Variants in CHST9 observed in about 807,000 individuals in gnomAD.
CHST9 encodes the protein GalNAc-4-sulfotransferase 2.
In CHST9, 41 loss-of-function variants were observed where a neutral mutation model predicts 44.4. That is an observed-to-expected ratio of 0.92 (90% CI 0.72 to 1.20). The LOEUF (loss-of-function observed/expected upper bound fraction) is 1.20. Ranked by LOEUF, CHST9 falls within the 50% of genes most tolerant of loss-of-function variation. The pLI is 0.00. For synonymous variants in CHST9, 171 were observed against 178.4 expected, an observed-to-expected ratio of 0.96 and a Z score of 0.33; for missense variants, 504 against 516.5, an observed-to-expected ratio of 0.98 and a Z score of 0.23.
intron 2 of CHST9, among the ~76,000 whole-genome samples, chr18:27,089,183 C>T (rs1016375067): frequency 6.6e-6 from 1 of 151,922 alleles, no homozygotes; most frequent in Non-Finnish European, 1.5e-5. Flanking sequence ...CGTACATGTG[C>T]ACAACGTGCA....
intron 2 of CHST9, among the ~76,000 whole-genome samples, chr18:27,074,676 T>C (rs2057880543): frequency 1.3e-5 from 2 of 152,094 alleles, no homozygotes; most frequent in Admixed American, 6.6e-5. Flanking sequence ...TCTATTTATA[T>C]AAAACACATG....
intron 3 of CHST9, among the ~76,000 whole-genome samples, chr18:27,047,976 G>A (rs2057524612): frequency 6.6e-6 from 1 of 152,188 alleles, no homozygotes; most frequent in South Asian, 2.1e-4. Flanking sequence ...TTCTGCCAAA[G>A]CATGATTCAC....
intron 2 of CHST9, among the ~76,000 whole-genome samples, chr18:27,054,566 C>T (rs2057630049): frequency 6.6e-6 from 1 of 152,048 alleles, no homozygotes; most frequent in South Asian, 2.1e-4. Flanking sequence ...TTTTTAAAAG[C>T]TATTTTAGAC....
chr18:26,919,986 T>C (rs1024596376), intron 5 of CHST9, among the ~76,000 whole-genome samples: 4 of 152,168 alleles, frequency 2.6e-5, no homozygotes, highest in Non-Finnish European at 5.9e-5. Context: ...TTCTGTGAAA[T>C]CAATGTGTTC....
chr18:26,942,988 G>T (rs1055255007), intron 5 of CHST9, among the ~76,000 whole-genome samples: 13 of 152,020 alleles, frequency 8.6e-5, no homozygotes, highest in Non-Finnish European at 1.6e-4. Flanking sequence ...CACGCCTGTA[G>T]TCTCAGCTAC....
chr18:27,112,578 C>CGTGTGT (rs35249332), intron 2 of CHST9, among the ~76,000 whole-genome samples: 2,181 of 140,514 alleles, frequency 0.016, 28 homozygotes, highest in African/African-American at 0.037. Flanking sequence ...GGATATTCAA[C>CGTGTGT]GTGTGTGTGT....
chr18:26,941,892 C>A (rs963519362), intron 5 of CHST9, among the ~76,000 whole-genome samples: 2 of 152,146 alleles, frequency 1.3e-5, no homozygotes, highest in Non-Finnish European at 2.9e-5. Flanking sequence ...TATTGGCCAG[C>A]AGGCTAGAGC....
intron 1 of CHST9, among the ~76,000 whole-genome samples, chr18:27,163,766 T>A (rs964863694): frequency 6.6e-6 from 1 of 151,866 alleles, no homozygotes; most frequent in Non-Finnish European, 1.5e-5. Context: ...ACTTCCCGGG[T>A]GAGGCCATGC....
At chr18:27,082,099 A>T (rs1374249114) in intron 2 of CHST9, among the ~76,000 whole-genome samples, 2 of 152,208 alleles carry the variant, frequency 1.3e-5, no homozygotes, top group African/African-American at 2.4e-5. Context: ...CTAAAAGTGT[A>T]CCTAAGAAAC....
intron 4 of CHST9, among the ~76,000 whole-genome samples, chr18:26,955,401 T>G (rs2056308661): frequency 6.6e-6 from 1 of 152,196 alleles, no homozygotes; most frequent in African/African-American, 2.4e-5. Context: ...GTCCTTTTAG[T>G]TTGAATTTAC....
chr18:27,034,491 G>A (rs563063753), intron 3 of CHST9, among the ~76,000 whole-genome samples: 1 of 152,186 alleles, frequency 6.6e-6, no homozygotes, highest in African/African-American at 2.4e-5. Flanking sequence ...GCTTAAAATT[G>A]TCCAGTGTTT....
chr18:27,070,946 C>A (rs1224857191), intron 2 of CHST9, among the ~76,000 whole-genome samples: 1 of 152,162 alleles, frequency 6.6e-6, no homozygotes, highest in Non-Finnish European at 1.5e-5. Context: ...TCCTCTGTTG[C>A]TGACCCCCCA....
chr18:27,039,305 C>G (rs2057420769), intron 3 of CHST9, among the ~76,000 whole-genome samples: 1 of 152,060 alleles, frequency 6.6e-6, no homozygotes, highest in Admixed American at 6.6e-5. Context: ...AAATAAAATG[C>G]AATATATACA....
intron 3 of CHST9, among the ~76,000 whole-genome samples, chr18:27,026,384 T>C (rs1261105878): frequency 2.0e-5 from 3 of 152,184 alleles, no homozygotes; most frequent in Non-Finnish European, 4.4e-5. Context: ...TTTAGTCTTA[T>C]GCATATATAT....
intron 5 of CHST9, among the ~76,000 whole-genome samples, chr18:26,940,342 T>C (rs1331180386): frequency 1.3e-5 from 2 of 152,348 alleles, no homozygotes; most frequent in South Asian, 4.1e-4. Context: ...CTAGAGCTAC[T>C]GACCCAGAAT....
At chr18:27,006,384 T>A (rs1039097922) in intron 4 of CHST9, among the ~76,000 whole-genome samples, 2 of 152,198 alleles carry the variant, frequency 1.3e-5, no homozygotes. Context: ...TTGATACAAA[T>A]AAGTACTTTG....
At chr18:26,967,184 C>A (rs983728081) in intron 4 of CHST9, among the ~76,000 whole-genome samples, 1 of 152,136 alleles carries the variant, frequency 6.6e-6, no homozygotes, top group African/African-American at 2.4e-5. Flanking sequence ...CTTAGTCACA[C>A]CCCCTATGTC....
chr18:27,052,892 G>C (rs2057584748), intron 2 of CHST9, among the ~76,000 whole-genome samples: 1 of 151,836 alleles, frequency 6.6e-6, no homozygotes, highest in African/African-American at 2.4e-5. Context: ...AGGACACAGG[G>C]AGGGGAACAT....
intron 5 of CHST9, among the ~76,000 whole-genome samples, chr18:26,922,252 C>T (rs539009763): frequency 5.4e-4 from 82 of 152,236 alleles, no homozygotes; most frequent in Admixed American, 1.6e-3. Flanking sequence ...TTTCTTGGGA[C>T]GTTCAAAATC....
Sources: allele counts gnomAD v4.1 joint callset (sites outside exome capture counted in the v4.1 genomes callset), GRCh38; gene constraint gnomAD v4.1.1; transcripts MANE v1.5; gene names NCBI Gene and HGNC (gene_info 2026-07-23, HGNC 2026-07-21).